Variants in CEMIP observed in about 807,000 individuals in gnomAD.
CEMIP encodes cell migration-inducing and hyaluronan-binding protein.
A neutral mutation model predicts 156.9 loss-of-function variants in CEMIP; 105 were observed. The observed-to-expected ratio is 0.67, with a 90% CI of 0.57 to 0.79. The LOEUF (loss-of-function observed/expected upper bound fraction) is 0.79, where lower values mean the gene tolerates loss of function less well. Ranked by LOEUF, CEMIP falls within the 30% of genes least tolerant of loss-of-function variation. The probability of loss-of-function intolerance (pLI) is 0.00; values close to 1 mark genes in which losing one functional copy is unlikely to be tolerated. For missense variants in CEMIP, 1,457 were observed against 1,769.4 expected (o/e 0.82, Z 3.17); for synonymous variants, 676 against 668.4 (o/e 1.01, Z -0.17).
chr15:80,901,077 C>A, intron 12 of CEMIP: 1 of 409,692 alleles, frequency 2.4e-6, no homozygotes. Flanking sequence ...CACAGTGTGG[C>A]AGTTGGAACT....
intron 1 of CEMIP, among the ~76,000 whole-genome samples, chr15:80,793,096 G>C (rs2062700495): frequency 6.6e-6 from 1 of 152,244 alleles, no homozygotes; most frequent in South Asian, 2.1e-4. Flanking sequence ...CCCTGGCTCA[G>C]AATATCACAT....
At chr15:80,829,986 G>GTGTGTGTGTGTGTGTGTGTT (rs1567061284) in intron 1 of CEMIP, among the ~76,000 whole-genome samples, 1 of 122,242 alleles carries the variant, frequency 8.2e-6, no homozygotes, top group African/African-American at 3.1e-5. Flanking sequence ...GTGTGTGTGT[G>GTGTGTGTGTGTGTGTGTGTT]TGTGTGTGTG....
chr15:80,817,125 C>G (rs1055987162), intron 1 of CEMIP, among the ~76,000 whole-genome samples: 1 of 152,052 alleles, frequency 6.6e-6, no homozygotes, highest in Admixed American at 6.5e-5. Flanking sequence ...AATGACGATA[C>G]CTTGGCTGAT....
At chr15:80,894,630 G>T (rs560455911) in intron 10 of CEMIP, among the ~76,000 whole-genome samples, 1 of 152,162 alleles carries the variant, frequency 6.6e-6, no homozygotes, top group Non-Finnish European at 1.5e-5. Context: ...GCTGTTCATG[G>T]TGCTGGTAGT....
At chr15:80,910,227 G>A (rs1899995270) in intron 14 of CEMIP, among the ~76,000 whole-genome samples, 1 of 152,192 alleles carries the variant, frequency 6.6e-6, no homozygotes, top group Non-Finnish European at 1.5e-5. Flanking sequence ...AAAGTAGGAT[G>A]AGTTGGCAAT....
chr15:80,838,140 C>T (rs1334504512), intron 1 of CEMIP, among the ~76,000 whole-genome samples: 1 of 152,206 alleles, frequency 6.6e-6, no homozygotes, highest in Non-Finnish European at 1.5e-5. Context: ...AGAGGGAATT[C>T]CAGGCAGAGT....
At chr15:80,781,658 T>A (rs545607127) in intron 1 of CEMIP, among the ~76,000 whole-genome samples, 1 of 122,300 alleles carries the variant, frequency 8.2e-6, no homozygotes, top group African/African-American at 3.4e-5. Flanking sequence ...AAACACCTCT[T>A]ATAAAAAAAA....
Position 80,924,698 on chromosome 15 carries a change from C to A in CEMIP, c.2280C>A (p.Ile760=), listed in dbSNP as rs759853282. Residue 760 remains isoleucine (I), a synonymous_variant, in exon 18 of 30, where the codon ATC becomes ATA. Transcript: ENST00000394685. The part of the protein sequence containing the change: ...AKDKRPFLSI[I]SARYSPHQDA... ...ACAAGCGGCCGTTCCTCTCAATCAT[C>A]TCTGCCAGGTAATCAGCCATTGGGA... The A allele has an allele frequency of 1.2e-6, 2 of 1,614,188 alleles. No homozygotes were observed. Among genetic ancestry groups the A allele is most frequent in the Non-Finnish European group, 1.7e-6 (2 of 1,180,004 alleles).
At chr15:80,810,461 G>A (rs781239152) in intron 1 of CEMIP, among the ~76,000 whole-genome samples, 1 of 152,140 alleles carries the variant, frequency 6.6e-6, no homozygotes, top group Non-Finnish European at 1.5e-5. Flanking sequence ...TCCGCCTTCC[G>A]GATTCATGCC....
intron 1 of CEMIP, among the ~76,000 whole-genome samples, chr15:80,810,100 C>A (rs1359915995): frequency 6.6e-6 from 1 of 151,316 alleles, no homozygotes; most frequent in African/African-American, 2.5e-5. Flanking sequence ...TTCTGGGAAT[C>A]TTGGTGGGGG....
intron 8 of CEMIP, 77 bp downstream of exon 8, chr15:80,887,841 C>T: frequency 8.5e-7 from 1 of 1,183,422 alleles, no homozygotes; most frequent in South Asian, 1.3e-5. Context: ...TTCTGAACAT[C>T]TCACTTTTCT....
intron 1 of CEMIP, among the ~76,000 whole-genome samples, chr15:80,805,300 T>A (rs925740198): frequency 6.6e-6 from 1 of 152,202 alleles, no homozygotes; most frequent in Non-Finnish European, 1.5e-5. Context: ...AAGATGATTA[T>A]GAGTGTTTTG....
At chr15:80,900,640 G>GTGTGTGTC (rs1899470873) in intron 12 of CEMIP, among the ~76,000 whole-genome samples, 1 of 130,338 alleles carries the variant, frequency 7.7e-6, no homozygotes, top group Non-Finnish European at 1.7e-5. Context: ...GTGTGTGTGT[G>GTGTGTGTC]TGTGTGTGTC....
At chr15:80,914,187 T>C (rs370138626) in intron 14 of CEMIP, among the ~76,000 whole-genome samples, 2 of 152,242 alleles carry the variant, frequency 1.3e-5, no homozygotes, top group South Asian at 2.1e-4. Flanking sequence ...AGGCAGGACA[T>C]AGGGGGATTC....
intron 25 of CEMIP, among the ~76,000 whole-genome samples, chr15:80,939,521 G>A (rs1042903739): frequency 2.6e-5 from 4 of 152,220 alleles, no homozygotes; most frequent in Non-Finnish European, 4.4e-5. Context: ...TCTTCTTTCC[G>A]GCTCATGAGT....
At chr15:80,880,473 G>C (rs1406989872) in intron 5 of CEMIP, among the ~76,000 whole-genome samples, 1 of 152,194 alleles carries the variant, frequency 6.6e-6, no homozygotes, top group Non-Finnish European at 1.5e-5. Context: ...ATCTTGCTCT[G>C]TGGCCCAGGC....
rs539808125 is a variant in CEMIP, at chr15:80,951,108, A to G, written c.*2184A>G. ...GGAGATTAGTGGTGATGGAGAGGAG[A>G]GTTAAAATGACCTCATGTCCTTCTT... is the stretch of plus-strand genomic sequence containing the variant. On this transcript the variant is annotated 3_prime_UTR_variant, in exon 30 of 30. Coordinates refer to ENST00000394685, the MANE Select transcript of CEMIP (RefSeq NM_001293298.2). 1 of 152,750 alleles carries G rather than the reference A, an allele frequency of 6.5e-6. No homozygotes were observed. The highest frequency in any genetic ancestry group is 6.5e-5 in the Admixed American group (1 of 15,304). The allele number at this position is 152,750 out of a possible 1,614,324, so 9.5% of individuals were successfully genotyped here. A position where few individuals can be genotyped will look rare whatever the true frequency, so the allele number is the denominator to read the frequency against.
intron 28 of CEMIP, among the ~76,000 whole-genome samples, chr15:80,944,755 G>T (rs978315711): frequency 6.6e-6 from 1 of 152,212 alleles, no homozygotes; most frequent in African/African-American, 2.4e-5. Context: ...ATCCTCTAGA[G>T]ATCATGACGT....
At chr15:80,850,907 G>C (rs1167432307) in intron 1 of CEMIP, among the ~76,000 whole-genome samples, 3 of 152,064 alleles carry the variant, frequency 2.0e-5, no homozygotes, top group Non-Finnish European at 4.4e-5. Flanking sequence ...GCTCAGGGAT[G>C]GCTGAAAGCA....
Sources: gnomAD v4.1 joint callset for allele counts (sites outside exome capture counted in the v4.1 genomes callset) on GRCh38, gnomAD v4.1.1 for gene constraint, MANE v1.5 for transcripts, NCBI Gene and HGNC (gene_info 2026-07-23, HGNC 2026-07-21) for gene names.